Variants in PRDM16 observed in about 807,000 individuals in gnomAD.
The protein encoded by PRDM16 is PR/SET domain 16.
In PRDM16, 23 loss-of-function variants were observed where a neutral mutation model predicts 110.6. The ratio of observed to expected loss-of-function variants is 0.21; its 90% CI spans 0.15 to 0.29. The LOEUF is 0.29. PRDM16 is among the 10% of genes least tolerant of loss of function. The pLI is 1.00. For synonymous variants in PRDM16, 799 were observed against 781.8 expected, an observed-to-expected ratio of 1.02 and a Z score of -0.37; for missense variants, 1,615 against 1,794.3, an observed-to-expected ratio of 0.90 and a Z score of 1.81.
intron 1 of PRDM16, among the ~76,000 whole-genome samples, chr1:3,078,490 C>T (rs1337016194): frequency 6.6e-6 from 1 of 152,226 alleles, no homozygotes; most frequent in Admixed American, 6.5e-5. Context: ...AGGCTCAGGG[C>T]CTCCTCTCTG....
At chr1:3,189,358 C>T (rs2100804241) in intron 2 of PRDM16, among the ~76,000 whole-genome samples, 1 of 151,794 alleles carries the variant, frequency 6.6e-6, no homozygotes, top group South Asian at 2.1e-4. Context: ...AGGGGGATCC[C>T]AAGTCAGGCC....
intron 2 of PRDM16, among the ~76,000 whole-genome samples, chr1:3,202,406 C>G (rs957611603): frequency 2.0e-5 from 3 of 152,070 alleles, no homozygotes; most frequent in Non-Finnish European, 2.9e-5. Flanking sequence ...CTTGGCTGCC[C>G]TGTGGGGCCC....
intron 1 of PRDM16, among the ~76,000 whole-genome samples, chr1:3,159,295 C>T (rs1643881148): frequency 2.0e-5 from 3 of 152,258 alleles, no homozygotes; most frequent in African/African-American, 4.8e-5. Context: ...CAGCAAGGGC[C>T]GCCATCACGA....
At chr1:3,312,464 G>A (rs574330330) in intron 3 of PRDM16, among the ~76,000 whole-genome samples, 42 of 152,322 alleles carry the variant, frequency 2.8e-4, no homozygotes, top group South Asian at 2.5e-3. Flanking sequence ...CCGCCCACCC[G>A]CCGGCTGCAC....
At chr1:3,187,990 A>G (rs1218828566) in intron 2 of PRDM16, among the ~76,000 whole-genome samples, 1 of 152,132 alleles carries the variant, frequency 6.6e-6, no homozygotes, top group Non-Finnish European at 1.5e-5. Flanking sequence ...AGGTCGGGTC[A>G]CCTTCGGGAG....
At chr1:3,176,303 C>T (rs1277242913) in intron 1 of PRDM16, among the ~76,000 whole-genome samples, 1 of 150,032 alleles carries the variant, frequency 6.7e-6, no homozygotes, top group East Asian at 2.0e-4. Flanking sequence ...TCCATCTGTC[C>T]ATACATCCAT....
At chr1:3,311,145 G>A (rs1356507312) in intron 3 of PRDM16, among the ~76,000 whole-genome samples, 3 of 152,226 alleles carry the variant, frequency 2.0e-5, no homozygotes, top group Non-Finnish European at 2.9e-5. Flanking sequence ...AACCCGCCGA[G>A]GGCTGATGGC....
intron 3 of PRDM16, among the ~76,000 whole-genome samples, chr1:3,354,191 G>A (rs1029990786): frequency 1.2e-4 from 19 of 152,212 alleles, no homozygotes; most frequent in South Asian, 2.1e-4. Flanking sequence ...CGGGTGTGGC[G>A]GCTCAGGCCT....
chr1:3,187,626 C>T (rs541835504), intron 2 of PRDM16, among the ~76,000 whole-genome samples: 3 of 152,228 alleles, frequency 2.0e-5, no homozygotes, highest in South Asian at 2.1e-4. Context: ...GTAAGAACAC[C>T]GACGGCCTGG....
At chr1:3,395,037 C>T (rs974660088) in intron 4 of PRDM16, among the ~76,000 whole-genome samples, 1 of 152,240 alleles carries the variant, frequency 6.6e-6, no homozygotes, top group Non-Finnish European at 1.5e-5. Flanking sequence ...TGTCCTCCTT[C>T]GTGCAGTTCC....
chr1:3,118,684 G>A (rs1357519992), intron 1 of PRDM16, among the ~76,000 whole-genome samples: 1 of 152,108 alleles, frequency 6.6e-6, no homozygotes. Context: ...ACTGGCAGTC[G>A]GGGGGTGTCA....
chr1:3,326,091 C>G (rs7514657), intron 3 of PRDM16, among the ~76,000 whole-genome samples: 2,270 of 127,794 alleles, frequency 0.018, 80 homozygotes, highest in East Asian at 0.03. Context: ...CTTGGCCCCC[C>G]TTGGCCATCC....
chr1:3,433,670 C>T lies in PRDM16; in HGVS notation c.3697-7C>T, dbSNP rs1415232525. 3 of 1,611,796 alleles carry T rather than the reference C, an allele frequency of 1.9e-6. No homozygotes were observed. The highest frequency in any genetic ancestry group is 2.5e-6 in the Non-Finnish European group (3 of 1,178,698). On this transcript the variant is annotated splice_region_variant and splice_polypyrimidine_tract_variant and intron_variant, in intron 16 of 16. Transcript: ENST00000270722. Reference sequence around the variant, plus strand: ...GTCCTGTGTGTGTGTCATCCCCTCCCCGCCAGGCATATGCAATGATGCTGT... The same window carrying T: ...GTCCTGTGTGTGTGTCATCCCCTCCTCGCCAGGCATATGCAATGATGCTGT...
intron 1 of PRDM16, among the ~76,000 whole-genome samples, chr1:3,100,585 C>T (rs757995382): frequency 3.7e-4 from 57 of 152,142 alleles, no homozygotes; most frequent in Non-Finnish European, 7.4e-4. Flanking sequence ...GCTCCAGGCA[C>T]GGCCCATGGT....
chr1:3,145,705 T>A (rs545069741), intron 1 of PRDM16, among the ~76,000 whole-genome samples: 1 of 152,300 alleles, frequency 6.6e-6, no homozygotes, highest in African/African-American at 2.4e-5. Context: ...GGTCTCTCAC[T>A]TCCACCCCTG....
intron 5 of PRDM16, 31 bp downstream of exon 5, chr1:3,396,624 C>A (rs1222473221): frequency 7.3e-6 from 7 of 963,596 alleles, no homozygotes; most frequent in Non-Finnish European, 9.5e-6. Flanking sequence ...CGGGCCACGG[C>A]CCCTGGGAGC....
intron 3 of PRDM16, among the ~76,000 whole-genome samples, chr1:3,295,032 G>A (rs1255915171): frequency 6.6e-6 from 1 of 152,168 alleles, no homozygotes; most frequent in Non-Finnish European, 1.5e-5. Flanking sequence ...TGCACCCTCA[G>A]CCCCACTGGG....
intron 1 of PRDM16, among the ~76,000 whole-genome samples, chr1:3,141,183 G>A (rs1643543128): frequency 6.6e-6 from 1 of 152,108 alleles, no homozygotes; most frequent in South Asian, 2.1e-4. Flanking sequence ...TCCTCCGTCC[G>A]CCCGCTTCTC....
In PRDM16 at chr1:3,382,106, A is replaced by G. The variant is rs931032521; in HGVS notation, c.439-3046A>G. 4.6e-5 allele frequency among the ~76,000 whole-genome samples: 7 copies of G among 152,216 alleles called. No individual in the cohort carries two copies. The highest frequency in any genetic ancestry group is 4.6e-4 in the Admixed American group (7 of 15,290). On this transcript the variant is annotated intron_variant, in intron 3 of 16. Transcript: ENST00000270722. This position sits in a 1 kb window ranked among gnomAD's most constrained non-coding sequence, Gnocchi z 6.6. ...GGTTTCCTGCTGCGCATCAGCAGTC[A>G]GGGTGGGAGGTGAGGGGGCCCTAAG...
Sources: gnomAD v4.1 joint callset for allele counts (sites outside exome capture counted in the v4.1 genomes callset) on GRCh38, gnomAD v4.1.1 for gene constraint, Gnocchi (gnomAD v3.1) non-coding constraint, MANE v1.5 for transcripts, NCBI Gene and HGNC (gene_info 2026-07-23, HGNC 2026-07-21) for gene names.